The following CLCN5 variants were observed in gnomAD, a reference collection of about 807,000 sequenced individuals.
CLCN5 encodes Cl-/H+ antiporter 5, also known as H(+)/Cl(-) exchange transporter 5.
A neutral mutation model predicts 54.0 loss-of-function variants in CLCN5; 17 were observed. That is an observed-to-expected ratio of 0.31 (90% CI 0.22 to 0.47). The LOEUF is 0.47. Ranked by LOEUF, CLCN5 falls within the 20% of genes least tolerant of loss-of-function variation. CLCN5 has a pLI of 1.00. For synonymous variants in CLCN5, 222 were observed against 233.0 expected (o/e 0.95, Z 0.43); for missense variants, 448 against 646.7 (o/e 0.69, Z 3.33).
intron 3 of CLCN5, among the ~76,000 whole-genome samples, chrX:49,973,487 C>T (rs1928331757): frequency 9.4e-6 from 1 of 106,718 alleles, no homozygotes; most frequent in Non-Finnish European, 1.9e-5. Flanking sequence ...TAGCATATCT[C>T]CTAATGCTAT....
chrX:50,090,367 A>T lies in CLCN5; in HGVS notation c.1996A>T (p.Thr666Ser). The T allele has an allele frequency of 8.3e-7, 1 of 1,211,478 alleles. No individual in the cohort carries two copies. The highest frequency in any genetic ancestry group is 1.1e-6 in the Non-Finnish European group (1 of 895,364). Residue 666 changes from threonine (T) to serine (S), a missense_variant, in exon 13 of 15, where the codon ACT (threonine) becomes TCT (serine). Physicochemically the swap from Thr to Ser is moderately conservative, Grantham distance 58. Around this residue, in one of 5 missense-constraint regions of CLCN5, gnomAD observed 297 missense variants for 470.4 expected, o/e 0.63. Transcript: ENST00000376091. ...ACCCCGGAGAAATGATCCTTTGTTGACTGTCCTTACTCAGGACAGTATGAC... is the reference window on the plus strand; with the variant it reads ...ACCCCGGAGAAATGATCCTTTGTTGTCTGTCCTTACTCAGGACAGTATGAC... The part of the protein sequence containing the change: ...MKPRRNDPLL[T>S]VLTQDSMTVE...
intron 4 of CLCN5, chrX:50,042,676 C>A (rs1168557199): frequency 3.8e-6 from 1 of 266,171 alleles, no homozygotes; most frequent in African/African-American, 2.8e-5. Flanking sequence ...GACCTCCTTC[C>A]TCCCTAACCC....
In CLCN5 at chrX:49,922,644, C is replaced by T. The variant is rs1045287825; in HGVS notation, c.-353C>T. ...CATGAGCCGCGCGCCCGCTTCGCTC[C>T]CCCTCCTCCCCGGCTGGGCTGTGTG... On this transcript the variant is annotated 5_prime_UTR_variant, in exon 1 of 15. Transcript: ENST00000376091. 3.5e-5 allele frequency: 4 copies of T among 113,125 alleles called. No individual in the cohort carries two copies. The highest frequency in any genetic ancestry group is 9.6e-5 in the African/African-American group (3 of 31,184). The allele number at this position is 113,125 out of a possible 1,213,427, so 9.3% of individuals were successfully genotyped here.
At chrX:50,017,672 C>A (rs1178714681) in intron 3 of CLCN5, among the ~76,000 whole-genome samples, 1 of 101,492 alleles carries the variant, frequency 9.9e-6, no homozygotes, top group Non-Finnish European at 2.0e-5. Flanking sequence ...TGAAGACCTA[C>A]CTCTAGATTC....
At chrX:49,973,170 T>C (rs868935509) in intron 3 of CLCN5, among the ~76,000 whole-genome samples, 1 of 111,448 alleles carries the variant, frequency 9.0e-6, no homozygotes, top group Admixed American at 9.5e-5. Context: ...CTGGCAATGC[T>C]CATGAATTCT....
intron 3 of CLCN5, among the ~76,000 whole-genome samples, chrX:49,945,878 T>C (rs1004163296): frequency 1.8e-4 from 20 of 109,350 alleles, no homozygotes; most frequent in Non-Finnish European, 3.2e-4. Context: ...TGCCTCAGCC[T>C]CCTGAGTAGC....
intron 3 of CLCN5, chrX:50,014,599 G>T: frequency 2.8e-6 from 1 of 356,257 alleles, no homozygotes; most frequent in East Asian, 8.7e-5. Context: ...CTTCTGCCCT[G>T]CTCCCCCTCT....
At chrX:50,053,628 C>T (rs1351289777) in intron 4 of CLCN5, among the ~76,000 whole-genome samples, 3 of 111,210 alleles carry the variant, frequency 2.7e-5, no homozygotes, top group Non-Finnish European at 5.7e-5. Flanking sequence ...ATCTTCTTTC[C>T]TAATATATAC....
chrX:49,942,039 G>A (rs7884575), intron 3 of CLCN5, among the ~76,000 whole-genome samples: 1,194 of 101,946 alleles, frequency 0.012, 14 homozygotes, highest in African/African-American at 0.04. Flanking sequence ...AGGTGGCACA[G>A]TAGTCAGGGC....
intron 3 of CLCN5, among the ~76,000 whole-genome samples, chrX:49,975,373 A>G (rs1481621437): frequency 9.0e-6 from 1 of 111,695 alleles, no homozygotes; most frequent in Non-Finnish European, 1.9e-5. Context: ...CCAGAGATGG[A>G]TATAGGAGAT....
intron 9 of CLCN5, among the ~76,000 whole-genome samples, chrX:50,084,807 T>C (rs1459707172): frequency 2.7e-5 from 3 of 112,283 alleles, no homozygotes; most frequent in African/African-American, 9.7e-5. Context: ...GGGCAGATGG[T>C]TGAGAGTAAA....
At position 50,070,008 on chromosome X, in the gene CLCN5, G is replaced by A. The variant is rs372219090; in HGVS notation, c.293G>A (p.Arg98Gln). 1 of 1,207,237 alleles carries A rather than the reference G, an allele frequency of 8.3e-7. No homozygotes were observed. Among genetic ancestry groups the A allele is most frequent in the African/African-American group, 1.8e-5 (1 of 56,708 alleles). The part of the protein sequence containing the change: ...NTIDWVREKS[R>Q]DRDRHREITN... The stretch of plus-strand genomic sequence containing the variant: ...ATTGATTGGGTGAGAGAGAAGTCTC[G>A]AGACCGGGATAGGCACCGAGAGGTA... The change falls in exon 5 of 15, where the codon CGA becomes CAA. Residue 98 changes from arginine (R) to glutamine (Q), a missense_variant. This residue lies in a region of CLCN5 where 1 missense variants were observed against 16.3 expected (regional missense o/e 0.06). Transcript: ENST00000376091.
intron 3 of CLCN5, among the ~76,000 whole-genome samples, chrX:49,970,267 A>C (rs1241626146): frequency 2.7e-5 from 3 of 111,826 alleles, no homozygotes; most frequent in Non-Finnish European, 3.8e-5. Flanking sequence ...CTTTATTTAG[A>C]TATAATTTGC....
chrX:50,083,548 A>G (rs782039919), intron 9 of CLCN5, among the ~76,000 whole-genome samples: 1 of 111,968 alleles, frequency 8.9e-6, no homozygotes, highest in African/African-American at 3.2e-5. Context: ...TAAATTTCCT[A>G]TTTTGATCAT....
At chrX:50,051,686 G>A (rs1192086646) in intron 4 of CLCN5, among the ~76,000 whole-genome samples, 1 of 111,719 alleles carries the variant, frequency 9.0e-6, no homozygotes, top group Admixed American at 9.5e-5. Context: ...TCTTTAATCA[G>A]TATTTTGTAG....
intron 4 of CLCN5, among the ~76,000 whole-genome samples, chrX:50,048,505 A>G (rs1557187989): frequency 8.9e-6 from 1 of 112,668 alleles, no homozygotes; most frequent in East Asian, 2.8e-4. Context: ...TTATCTATTA[A>G]ATCATTTATA....
At chrX:50,052,562 T>G (rs1557188495) in intron 4 of CLCN5, among the ~76,000 whole-genome samples, 4 of 111,646 alleles carry the variant, frequency 3.6e-5, no homozygotes, top group Non-Finnish European at 7.5e-5. Context: ...ATAGCGTAAC[T>G]TAGGAAGTGT....
Position 50,032,168 on chromosome X carries a change from C to T in CLCN5, c.17-10148C>T, listed in dbSNP as rs781876218. Among the ~76,000 whole-genome samples the T allele has an allele frequency of 1.2e-3, 121 of 101,811 alleles. 1 individual carries two copies. The highest frequency in any genetic ancestry group is 5.3e-3 in the Middle Eastern group (1 of 190). The allele number at this position is 101,811 out of a possible 115,157, so 88.4% of individuals were successfully genotyped here. On this transcript the variant is annotated intron_variant, in intron 3 of 14. Transcript: ENST00000376091. ...AAGTCTTTGCTATTGTGAATAGTGCCGCAATAAACATACATGTGCATGTGT... is the reference window on the plus strand; with the variant it reads ...AAGTCTTTGCTATTGTGAATAGTGCTGCAATAAACATACATGTGCATGTGT...
intron 3 of CLCN5, among the ~76,000 whole-genome samples, chrX:50,013,520 A>C (rs1930630111): frequency 9.0e-6 from 1 of 111,258 alleles, no homozygotes; most frequent in African/African-American, 3.3e-5. Flanking sequence ...TGTGTCAGGA[A>C]TTGAGCCTTC....
Sources: gnomAD v4.1 joint callset for allele counts (sites outside exome capture counted in the v4.1 genomes callset) on GRCh38, gnomAD v4.1.1 for gene constraint, gnomAD v4.1.1 regional missense constraint, MANE v1.5 for transcripts, NCBI Gene and HGNC (gene_info 2026-07-23, HGNC 2026-07-21) for gene names.